The following PRELID2 variants were observed in gnomAD, a reference collection of about 807,000 sequenced individuals.
PRELID2 encodes the protein PRELI domain-containing protein 2.
Under a neutral mutation model 28.4 loss-of-function variants are expected in PRELID2, and 25 were observed. The ratio of observed to expected loss-of-function variants is 0.88; its 90% CI spans 0.64 to 1.23. The LOEUF is 1.23. PRELID2 is among the 50% of genes most tolerant of loss of function. The probability of loss-of-function intolerance (pLI) is 0.00; values close to 1 mark genes in which losing one functional copy is unlikely to be tolerated. For synonymous variants in PRELID2, 76 were observed against 71.6 expected (o/e 1.06, Z -0.31); for missense variants, 201 against 214.4 (o/e 0.94, Z 0.39).
chr5:145,581,469 A>T (rs2149624961), intron 1 of PRELID2, among the ~76,000 whole-genome samples: 1 of 152,180 alleles, frequency 6.6e-6, no homozygotes, highest in South Asian at 2.1e-4. Flanking sequence ...GCAGTAAGAC[A>T]AGTCTCTTGC....
chr5:145,549,689 G>A (rs1156335916), intron 1 of PRELID2, among the ~76,000 whole-genome samples: 1 of 152,028 alleles, frequency 6.6e-6, no homozygotes, highest in Admixed American at 6.5e-5. Context: ...CAGCTACTCG[G>A]GAGGCTGAGG....
the PRELID2 span, among the ~76,000 whole-genome samples, chr5:145,419,322 T>C: frequency 3.9e-5 from 5 of 129,054 alleles, no homozygotes; most frequent in Non-Finnish European, 6.8e-5. Context: ...TCCACAAGGG[T>C]TGAACTAGTT....
chr5:145,477,997 T>C (rs1752118572), intron 1 of PRELID2, among the ~76,000 whole-genome samples: 1 of 152,152 alleles, frequency 6.6e-6, no homozygotes, highest in Admixed American at 6.5e-5. Flanking sequence ...AGTGGTTCAC[T>C]GAATTTTAGG....
At chr5:145,599,390 C>G (rs1033276223) in intron 1 of PRELID2, among the ~76,000 whole-genome samples, 1 of 151,276 alleles carries the variant, frequency 6.6e-6, no homozygotes, top group African/African-American at 2.5e-5. Flanking sequence ...GACCACAAAC[C>G]CTTAGGAGGC....
intron 1 of PRELID2, among the ~76,000 whole-genome samples, chr5:145,538,969 C>T (rs1752723636): frequency 6.6e-6 from 1 of 151,920 alleles, no homozygotes; most frequent in Non-Finnish European, 1.5e-5. Flanking sequence ...ACAGCATCAC[C>T]ACAAATCATC....
chr5:145,825,535 G>C (rs1755137379), intron 1 of PRELID2, among the ~76,000 whole-genome samples: 2 of 152,080 alleles, frequency 1.3e-5, no homozygotes, highest in Non-Finnish European at 2.9e-5. Context: ...TATATTGACT[G>C]AATATTACAA....
At chr5:145,663,087 A>C (rs1468419911) in intron 1 of PRELID2, among the ~76,000 whole-genome samples, 1 of 152,146 alleles carries the variant, frequency 6.6e-6, no homozygotes, top group Non-Finnish European at 1.5e-5. Context: ...AAATGAGAGA[A>C]TCAGTAAATC....
chr5:145,585,538 A>C (rs1217145267), intron 1 of PRELID2, among the ~76,000 whole-genome samples: 1 of 152,178 alleles, frequency 6.6e-6, no homozygotes, highest in Non-Finnish European at 1.5e-5. Context: ...CTATGTAATG[A>C]TAAAGAGCCA....
the PRELID2 span, among the ~76,000 whole-genome samples, chr5:145,333,933 G>A: frequency 6.6e-6 from 1 of 152,064 alleles, no homozygotes; most frequent in African/African-American, 2.4e-5. Flanking sequence ...GAATCTCCTG[G>A]TCTGTGAGTT....
intron 1 of PRELID2, among the ~76,000 whole-genome samples, chr5:145,707,704 T>A (rs1236078282): frequency 6.6e-6 from 1 of 152,140 alleles, no homozygotes; most frequent in African/African-American, 2.4e-5. Flanking sequence ...TTGGATCTTT[T>A]CAAAATAAAG....
chr5:145,429,707 A>T, the PRELID2 span, among the ~76,000 whole-genome samples: 2 of 151,882 alleles, frequency 1.3e-5, no homozygotes, highest in Non-Finnish European at 2.9e-5. Context: ...AAGTACCAGA[A>T]ATATGATATC....
chr5:145,762,493 C>T (rs1227827701), intron 6 of PRELID2, among the ~76,000 whole-genome samples: 4 of 151,584 alleles, frequency 2.6e-5, no homozygotes, highest in African/African-American at 9.7e-5. Context: ...GCCGTGATTG[C>T]GCTACTGCAC....
chr5:145,601,777 G>A (rs186088999), intron 1 of PRELID2, among the ~76,000 whole-genome samples: 262 of 152,288 alleles, frequency 1.7e-3, no homozygotes, highest in African/African-American at 6.1e-3. Context: ...AGGCAAGGAT[G>A]TGAATATAAG....
the PRELID2 span, among the ~76,000 whole-genome samples, chr5:145,392,213 T>C: frequency 6.6e-6 from 1 of 152,140 alleles, no homozygotes; most frequent in African/African-American, 2.4e-5. Context: ...AGAAAAAAGG[T>C]TTAATTGATT....
At chr5:145,554,326 A>G (rs1426287309) in intron 1 of PRELID2, among the ~76,000 whole-genome samples, 1 of 151,968 alleles carries the variant, frequency 6.6e-6, no homozygotes, top group Non-Finnish European at 1.5e-5. Flanking sequence ...TGATCTCAAA[A>G]GCAAGGGAGG....
intron 1 of PRELID2, among the ~76,000 whole-genome samples, chr5:145,608,439 G>A (rs1461316178): frequency 6.6e-6 from 1 of 152,056 alleles, no homozygotes; most frequent in African/African-American, 2.4e-5. Flanking sequence ...CTGGTCTGGT[G>A]GTAATGAATT....
chr5:145,647,450 T>G (rs1202688301), intron 1 of PRELID2, among the ~76,000 whole-genome samples: 1 of 152,180 alleles, frequency 6.6e-6, no homozygotes, highest in Non-Finnish European at 1.5e-5. Flanking sequence ...GATCTTAGTT[T>G]GCTGGGCTCT....
At chr5:145,616,173 T>C (rs1753695046) in intron 1 of PRELID2, among the ~76,000 whole-genome samples, 1 of 152,184 alleles carries the variant, frequency 6.6e-6, no homozygotes, top group Non-Finnish European at 1.5e-5. Context: ...CTCTTAAGAT[T>C]CTTTCCTTCA....
At chr5:145,655,365 C>G (rs1754375423) in intron 1 of PRELID2, among the ~76,000 whole-genome samples, 1 of 152,162 alleles carries the variant, frequency 6.6e-6, no homozygotes. Context: ...CATCAAGCTA[C>G]CAATGACTTT....
Sources: gnomAD v4.1 joint callset for allele counts (sites outside exome capture counted in the v4.1 genomes callset) on GRCh38, gnomAD v4.1.1 for gene constraint, MANE v1.5 for transcripts, NCBI Gene and HGNC (gene_info 2026-07-23, HGNC 2026-07-21) for gene names.